E2F7: variants seen among roughly 807,000 people sequenced by gnomAD.
E2F7 encodes E2F transcription factor 7, also known as transcription factor E2F7.
A neutral mutation model predicts 81.1 loss-of-function variants in E2F7; 35 were observed. That is an observed-to-expected ratio of 0.43 (90% CI 0.33 to 0.57). The LOEUF (loss-of-function observed/expected upper bound fraction) is 0.57. Ranked by LOEUF, E2F7 falls within the 20% of genes least tolerant of loss-of-function variation. The pLI is 0.04. For synonymous variants in E2F7, 416 were observed against 416.2 expected (o/e 1.00, Z 0.01); for missense variants, 961 against 1,093.7 (o/e 0.88, Z 1.71).
Position 77,027,908 on chromosome 12 carries a change from T to G in E2F7, c.2115A>C (p.Gln705His). ...CTGCAGGAGACTGCACACAAAGATA[T>G]TGTAGCAAAGAAGGCTCTTTGGTGC... Reference protein sequence around the residue: ...NESTKEPSLLQYLCVQSPAGL... With the variant: ...NESTKEPSLLHYLCVQSPAGL... Residue 705 changes from glutamine to histidine, a missense_variant, in exon 11 of 13, where the codon CAA (glutamine) becomes CAC (histidine). By Grantham distance (24) the Gln-to-His change is conservative (BLOSUM62 0). Around this residue, in one of 3 missense-constraint regions of E2F7, gnomAD observed 587 missense variants for 620.3 expected, o/e 0.95. Transcript: ENST00000322886. 6.2e-7 allele frequency: 1 copy of G among 1,614,182 alleles called. No individual in the cohort carries two copies. The highest frequency in any genetic ancestry group is 8.5e-7 in the Non-Finnish European group (1 of 1,180,034).
At chr12:77,044,486 TCTC>T (rs1954922838) in intron 6 of E2F7, 148 bp downstream of exon 6, 1 of 951,906 alleles carries the variant, frequency 1.1e-6, no homozygotes, top group Non-Finnish European at 1.5e-6. Context: ...CTAACTTACC[TCTC>T]ACAGCACCAA....
At chr12:77,037,279 T>G in intron 7 of E2F7, among the ~76,000 whole-genome samples, 1 of 152,128 alleles carries the variant, frequency 6.6e-6, no homozygotes, top group Middle Eastern at 3.2e-3. Context: ...ATTTTCTTAT[T>G]AAAGTTTCTT....
At chr12:77,047,936 C>A (rs1182936348) in intron 4 of E2F7, among the ~76,000 whole-genome samples, 6 of 152,170 alleles carry the variant, frequency 3.9e-5, no homozygotes, top group African/African-American at 1.2e-4. Flanking sequence ...TATCATGTGA[C>A]CGCAACTGAC....
At chr12:77,025,417 G>T in intron 12 of E2F7, 141 bp downstream of exon 12, 1 of 860,434 alleles carries the variant, frequency 1.2e-6, no homozygotes, top group South Asian at 1.8e-5. Flanking sequence ...AAAAGGAGCA[G>T]ATAACTCTAG....
chr12:77,040,523 C>G (rs922084724), intron 7 of E2F7, among the ~76,000 whole-genome samples: 1 of 152,156 alleles, frequency 6.6e-6, no homozygotes, highest in African/African-American at 2.4e-5. Flanking sequence ...CCCTGAGTAC[C>G]GACTTTGGAG....
intron 3 of E2F7, among the ~76,000 whole-genome samples, chr12:77,054,372 C>A (rs1955014457): frequency 6.6e-6 from 1 of 151,152 alleles, no homozygotes; most frequent in African/African-American, 2.4e-5. Context: ...ATACTAGAAA[C>A]AAACTATGGG....
Position 77,030,150 on chromosome 12 carries a change from A to G in E2F7, c.1565T>C (p.Val522Ala). ...GGCTGCAGAAGCAAGTGAGACATCC[A>G]CTTGTCCATTCAGACCGTTCTGCAT... ...FSMQNGLNGQVDVSLASAASA... is the reference protein window; with the variant it reads ...FSMQNGLNGQADVSLASAASA... Residue 522 changes from valine (V) to alanine (A), a missense_variant, in exon 10 of 13, where the codon GTG (valine) becomes GCG (alanine). Transcript: ENST00000322886. The G allele has an allele frequency of 6.2e-7, 1 of 1,614,192 alleles. No individual in the cohort carries two copies.
chr12:77,043,318 G>A, intron 6 of E2F7, 119 bp from the exon 7 acceptor site: 1 of 1,312,034 alleles, frequency 7.6e-7, no homozygotes, highest in East Asian at 2.3e-5. Context: ...GCAGCAGGTT[G>A]GGATGAGGAG....
chr12:77,050,501 C>T, intron 4 of E2F7, 75 bp downstream of exon 4: 3 of 1,531,872 alleles, frequency 2.0e-6, no homozygotes, highest in Admixed American at 1.7e-5. Context: ...CTACTTCAAG[C>T]CTTCAGCCTG....
intron 6 of E2F7, 95 bp downstream of exon 6, chr12:77,044,542 A>G: frequency 6.8e-7 from 1 of 1,463,050 alleles, no homozygotes; most frequent in African/African-American, 1.4e-5. Context: ...TGTCAAAAAC[A>G]ATATATATAT....
chr12:77,032,937 C>G, intron 9 of E2F7, 113 bp downstream of exon 9: 1 of 906,496 alleles, frequency 1.1e-6, no homozygotes, highest in South Asian at 1.7e-5. Context: ...CAATTCCTAA[C>G]AAATAAACGG....
rs1031451973 is a variant in E2F7 at position 77,022,146 on chromosome 12, T to C, written c.*1869A>G. The C allele has an allele frequency of 6.7e-4, 102 of 152,226 alleles. 1 individual carries two copies. Among genetic ancestry groups the C allele is most frequent in the African/African-American group, 2.3e-3 (97 of 41,456 alleles). The allele number at this position is 152,226 out of a possible 1,614,324, so 9.4% of individuals were successfully genotyped here. On this transcript the variant is annotated 3_prime_UTR_variant, in exon 13 of 13. Coordinates refer to ENST00000322886, the MANE Select transcript of E2F7 (RefSeq NM_203394.3). ...AATGCAGACCTCTCCATGAAATATTTTGTGGAAGTTCTTAAGCATGGTAGA... is the reference window on the plus strand; with the variant it reads ...AATGCAGACCTCTCCATGAAATATTCTGTGGAAGTTCTTAAGCATGGTAGA...
At position 77,023,198 on chromosome 12, in the gene E2F7, A is replaced by C. The variant is rs1650888929; in HGVS notation, c.*817T>G. The stretch of plus-strand genomic sequence containing the variant: ...TGTAGTGAAGGAAACTGGGCACAGT[A>C]GGATTTTTAGAAACAAACAGTAATA... On this transcript the variant is annotated 3_prime_UTR_variant, in exon 13 of 13. Transcript: ENST00000322886. 1 of 152,562 alleles carries C rather than the reference A, an allele frequency of 6.6e-6. No homozygotes were observed. Among genetic ancestry groups the C allele is most frequent in the Non-Finnish European group, 1.5e-5 (1 of 68,036 alleles). 9.5% of individuals were successfully genotyped at this position (152,562 alleles called of 1,614,324 possible).
intron 7 of E2F7, among the ~76,000 whole-genome samples, chr12:77,035,072 G>A (rs549627567): frequency 6.6e-6 from 1 of 152,302 alleles, no homozygotes; most frequent in South Asian, 2.1e-4. Context: ...AGGACATGAA[G>A]GACAGTGATC....
At position 77,025,780 on chromosome 12, in the gene E2F7, C is replaced by T; in HGVS notation, c.2343G>A (p.Val781=). Residue 781 remains valine, a synonymous_variant, in exon 12 of 13, where the codon GTG becomes GTA. Transcript: ENST00000322886. ...TLGALPNTGP[V]NFSLPGLGSI... Reference sequence around the variant, plus strand: ...ATCCAAGGCCAGGCAAGCTGAAATTCACAGGTCCTGTGTTTGGGAGAGCAC... The same window carrying T: ...ATCCAAGGCCAGGCAAGCTGAAATTTACAGGTCCTGTGTTTGGGAGAGCAC... 6.2e-7 allele frequency: 1 copy of T among 1,614,076 alleles called. No individual in the cohort carries two copies. The highest frequency in any genetic ancestry group is 8.5e-7 in the Non-Finnish European group (1 of 1,180,036).
At chr12:77,048,558 T>C (rs1954961837) in intron 4 of E2F7, among the ~76,000 whole-genome samples, 1 of 149,066 alleles carries the variant, frequency 6.7e-6, no homozygotes, top group African/African-American at 2.5e-5. Context: ...TGCACGTCCT[T>C]AGTTAAATAC....
rs1234828844 is a variant in E2F7 at position 77,065,505 on chromosome 12, C to A, written c.-161G>T. The A allele has an allele frequency of 6.6e-6, 1 of 152,310 alleles. No individual in the cohort carries two copies. The highest frequency in any genetic ancestry group is 2.4e-5 in the African/African-American group (1 of 41,454). 9.4% of individuals were successfully genotyped at this position (152,310 alleles called of 1,614,324 possible). On this transcript the variant is annotated 5_prime_UTR_variant, in exon 1 of 13. Transcript: ENST00000322886. ...CGAGTGCCCTGGGCTGGCGGGGACCCCGCGGCGTCCGGGCAGCGCCAGCGC... is the reference window on the plus strand; with the variant it reads ...CGAGTGCCCTGGGCTGGCGGGGACCACGCGGCGTCCGGGCAGCGCCAGCGC...
In E2F7 at chr12:77,028,825, T is replaced by C. The variant is rs563201578; in HGVS notation, c.1885-687A>G. Among the ~76,000 whole-genome samples, 13 of 152,340 alleles carry C rather than the reference T, an allele frequency of 8.5e-5. No homozygotes were observed. The South Asian group carries it at 2.7e-3, about 32-fold the overall frequency. ...TCTTAATATTGCTAACACATAAAGG[T>C]AGCATATAGCTGCGTGCCACACTGA... On this transcript the variant is annotated intron_variant, in intron 10 of 12. Coordinates refer to ENST00000322886, the MANE Select transcript of E2F7 (RefSeq NM_203394.3).
At chr12:77,063,168 C>T (rs950738642) in intron 2 of E2F7, among the ~76,000 whole-genome samples, 1 of 152,194 alleles carries the variant, frequency 6.6e-6, no homozygotes, top group Non-Finnish European at 1.5e-5. Context: ...TATTGCAGTG[C>T]TCATGTTCGA....
Sources: gnomAD v4.1 joint callset for allele counts (sites outside exome capture counted in the v4.1 genomes callset) on GRCh38, gnomAD v4.1.1 for gene constraint, gnomAD v4.1.1 regional missense constraint, MANE v1.5 for transcripts, NCBI Gene and HGNC (gene_info 2026-07-23, HGNC 2026-07-21) for gene names.